Variants in RBPJ observed in about 807,000 individuals in gnomAD.
RBPJ encodes the protein recombination signal binding protein for immunoglobulin kappa J region, also known as recombining binding protein suppressor of hairless.
A neutral mutation model predicts 67.8 loss-of-function variants in RBPJ; 9 were observed. That is an observed-to-expected ratio of 0.13 (90% CI 0.08 to 0.23). The LOEUF (loss-of-function observed/expected upper bound fraction) is 0.23. Ranked by LOEUF, RBPJ falls within the 10% of genes least tolerant of loss-of-function variation. The pLI is 1.00. For synonymous variants in RBPJ, 198 were observed against 203.3 expected, an observed-to-expected ratio of 0.97 and a Z score of 0.22; for missense variants, 305 against 595.6, an observed-to-expected ratio of 0.51 and a Z score of 5.08.
At chr4:26,159,984 T>C (rs1288752181), upstream of RBPJ, among the ~76,000 whole-genome samples, 1 of 151,832 alleles carries the variant, frequency 6.6e-6, no homozygotes, top group Non-Finnish European at 1.5e-5. Flanking sequence ...AGTGGCGCGA[T>C]CTTGGCTGAC....
At chr4:26,171,132 C>T (rs558279036) in intron 1 of RBPJ, among the ~76,000 whole-genome samples, 1 of 152,326 alleles carries the variant, frequency 6.6e-6, no homozygotes, top group East Asian at 1.9e-4. Context: ...GATATTTAGA[C>T]TTATTCATCC....
intron 1 of RBPJ, among the ~76,000 whole-genome samples, chr4:26,355,310 G>A (rs139850657): frequency 5.8e-4 from 89 of 152,266 alleles, no homozygotes; most frequent in African/African-American, 2.1e-3. Flanking sequence ...CTGTGAACTT[G>A]TCAAACATCA....
At chr4:26,414,525 A>T (rs542669696) in intron 3 of RBPJ, among the ~76,000 whole-genome samples, 1 of 152,148 alleles carries the variant, frequency 6.6e-6, no homozygotes, top group Non-Finnish European at 1.5e-5. Flanking sequence ...TTATGTGGCT[A>T]CTATAGTTAA....
the RBPJ span, among the ~76,000 whole-genome samples, chr4:26,129,263 G>A: frequency 6.6e-5 from 10 of 152,164 alleles, no homozygotes; most frequent in African/African-American, 2.4e-4. Flanking sequence ...CCAGCCCAGT[G>A]ATTTTTCCAT....
chr4:26,351,993 C>G (rs1375849747), intron 1 of RBPJ, among the ~76,000 whole-genome samples: 3 of 152,098 alleles, frequency 2.0e-5, no homozygotes, highest in African/African-American at 7.2e-5. Flanking sequence ...CCTTTCATAC[C>G]TACTTTGGGA....
At chr4:26,345,298 G>C (rs956272795) in intron 1 of RBPJ, among the ~76,000 whole-genome samples, 2 of 152,196 alleles carry the variant, frequency 1.3e-5, no homozygotes, top group Non-Finnish European at 2.9e-5. Flanking sequence ...TTCTTGGACA[G>C]CTTATATGAA....
At chr4:26,201,551 C>T (rs1405815030) in intron 1 of RBPJ, among the ~76,000 whole-genome samples, 1 of 152,108 alleles carries the variant, frequency 6.6e-6, no homozygotes, top group African/African-American at 2.4e-5. Flanking sequence ...ATTGCAAAAC[C>T]CCCACCGTTC....
At chr4:26,382,957 A>G (rs1272254940) in intron 1 of RBPJ, among the ~76,000 whole-genome samples, 3 of 152,370 alleles carry the variant, frequency 2.0e-5, no homozygotes, top group African/African-American at 7.2e-5. Context: ...TGAGATAAAT[A>G]GGAATGTGAT....
At chr4:26,368,472 C>T (rs1025297201) in intron 1 of RBPJ, among the ~76,000 whole-genome samples, 1 of 152,084 alleles carries the variant, frequency 6.6e-6, no homozygotes, top group Admixed American at 6.6e-5. Flanking sequence ...GTTGGAAGCA[C>T]GAGGTTTTGT....
intron 1 of RBPJ, among the ~76,000 whole-genome samples, chr4:26,172,006 C>T (rs929114340): frequency 6.6e-6 from 1 of 152,216 alleles, no homozygotes; most frequent in East Asian, 1.9e-4. Flanking sequence ...GCCTGCTAAG[C>T]TGGAGGTTAA....
At chr4:26,360,521 C>T (rs548255339) in intron 1 of RBPJ, among the ~76,000 whole-genome samples, 18 of 151,694 alleles carry the variant, frequency 1.2e-4, no homozygotes, top group Non-Finnish European at 2.1e-4. Flanking sequence ...ACCCTTGGGA[C>T]CTCACAGCAT....
chr4:26,151,992 A>G, the RBPJ span, among the ~76,000 whole-genome samples: 1 of 152,204 alleles, frequency 6.6e-6, no homozygotes, highest in Non-Finnish European at 1.5e-5. Flanking sequence ...ACGCCTCTTT[A>G]TGGCAAACTG....
chr4:26,391,248 A>G (rs1731473578), intron 2 of RBPJ, among the ~76,000 whole-genome samples: 3 of 152,248 alleles, frequency 2.0e-5, no homozygotes, highest in Middle Eastern at 3.2e-3. Context: ...AAAGCTTACT[A>G]TAAAGCTATG....
At chr4:26,429,741 T>C (rs563644586) in intron 8 of RBPJ, among the ~76,000 whole-genome samples, 157 bp from the exon 9 acceptor site, 37 of 152,354 alleles carry the variant, frequency 2.4e-4, no homozygotes, top group African/African-American at 8.9e-4. Flanking sequence ...TTTGTGTTTA[T>C]GTAGGGATTG....
chr4:26,233,572 G>C (rs1719360777), intron 1 of RBPJ, among the ~76,000 whole-genome samples: 1 of 152,066 alleles, frequency 6.6e-6, no homozygotes, highest in Admixed American at 6.5e-5. Context: ...TTTTCTGTTT[G>C]ATTTCTCCCA....
At chr4:26,405,925 A>G (rs189501035) in intron 2 of RBPJ, among the ~76,000 whole-genome samples, 1 of 152,362 alleles carries the variant, frequency 6.6e-6, no homozygotes, top group East Asian at 1.9e-4. Context: ...CATAAATTCC[A>G]AAGAATGAGA....
At chr4:26,209,899 A>G (rs1380620548) in intron 1 of RBPJ, among the ~76,000 whole-genome samples, 1 of 139,158 alleles carries the variant, frequency 7.2e-6, no homozygotes, top group Non-Finnish European at 1.5e-5. Context: ...TTCTTTTCCC[A>G]TTCCCTCACC....
intron 1 of RBPJ, among the ~76,000 whole-genome samples, chr4:26,373,086 A>G (rs1006914259): frequency 6.6e-6 from 1 of 152,258 alleles, no homozygotes; most frequent in African/African-American, 2.4e-5. Context: ...AATGTAAGTT[A>G]CAATTCAAAA....
intron 1 of RBPJ, among the ~76,000 whole-genome samples, chr4:26,297,123 G>A (rs1002884516): frequency 2.0e-5 from 3 of 151,950 alleles, no homozygotes; most frequent in Non-Finnish European, 2.9e-5. Context: ...AGCGAGCCCC[G>A]GTTTCTATGA....
Sources: allele counts gnomAD v4.1 joint callset (sites outside exome capture counted in the v4.1 genomes callset), GRCh38; gene constraint gnomAD v4.1.1; transcripts MANE v1.5; gene names NCBI Gene and HGNC (gene_info 2026-07-23, HGNC 2026-07-21).